Variants in IFT22 observed in about 807,000 individuals in gnomAD.
IFT22 encodes the protein intraflagellar transport 22, also known as intraflagellar transport protein 22 homolog.
In IFT22, 13 loss-of-function variants were observed where a neutral mutation model predicts 21.0. The observed-to-expected ratio is 0.62, with a 90% CI of 0.40 to 0.98. IFT22 has a LOEUF of 0.98. Ranked by LOEUF, IFT22 falls within the 50% of genes least tolerant of loss-of-function variation. The pLI is 0.00. For missense variants in IFT22, 227 were observed against 228.9 expected (o/e 0.99, Z 0.06); for synonymous variants, 67 against 82.4 (o/e 0.81, Z 1.01).
In IFT22 at chr7:101,316,378, T is replaced by G; in HGVS notation, c.371A>C (p.Lys124Thr). 6.2e-7 allele frequency: 1 copy of G among 1,614,210 alleles called. No homozygotes were observed. Among genetic ancestry groups the G allele is most frequent in the Non-Finnish European group, 8.5e-7 (1 of 1,180,032 alleles). ...DTQCMLIAHH[K>T]PGSGDDKGSL... is the part of the protein sequence containing the mutation. ...TCCTTTATCATCTCCAGAGCCTGGT[T>G]TGTGGTGTGCAATTAGCATACACTG... is the stretch of plus-strand genomic sequence containing the variant. Residue 124 changes from lysine to threonine, a missense_variant, in exon 4 of 5, where the codon AAA (lysine) becomes ACA (threonine). Coordinates refer to ENST00000315322, the MANE Select transcript of IFT22 (RefSeq NM_022777.4).
At chr7:101,316,705 C>T (rs34048830) in intron 3 of IFT22, among the ~76,000 whole-genome samples, 163 bp from the exon 4 acceptor site, 23,248 of 152,008 alleles carry the variant, frequency 0.15, 1,869 homozygotes, top group Non-Finnish European at 0.16. Context: ...CGGGCGATCA[C>T]GAGGTCAGGA....
chr7:101,316,897 G>A (rs11764766), intron 3 of IFT22, among the ~76,000 whole-genome samples: 32,077 of 151,784 alleles, frequency 0.21, 3,670 homozygotes, highest in East Asian at 0.39. Context: ...GCACTCCAGC[G>A]TGGGTGACAG....
At chr7:101,317,559 C>T (rs906810853) in intron 3 of IFT22, among the ~76,000 whole-genome samples, 3 of 151,902 alleles carry the variant, frequency 2.0e-5, no homozygotes, top group South Asian at 2.1e-4. Flanking sequence ...TCAGCCACTG[C>T]GCCTGGCCAA....
intron 4 of IFT22, 103 bp from the exon 5 acceptor site, chr7:101,315,385 C>T: frequency 7.9e-7 from 1 of 1,272,322 alleles, no homozygotes; most frequent in South Asian, 1.3e-5. Context: ...CTGAAGTTCA[C>T]AGATCAAGTT....
intron 3 of IFT22, among the ~76,000 whole-genome samples, chr7:101,316,872 T>G (rs370038261): frequency 6.6e-6 from 1 of 151,894 alleles, no homozygotes; most frequent in Non-Finnish European, 1.5e-5. Flanking sequence ...TGCAGTGAGC[T>G]GAGATCGTGC....
chr7:101,311,183 T>G lies in IFT22; in HGVS notation c.*3951A>C, dbSNP rs1217391155. On this transcript the variant is annotated 3_prime_UTR_variant, in exon 5 of 5. Coordinates refer to ENST00000315322, the MANE Select transcript of IFT22 (RefSeq NM_022777.4). ...TTATTTTTTGTATTTTTAGTAGAGG[T>G]GGGGTTTCACTGTTAGCCAGGATGG... 6.6e-6 allele frequency among the ~76,000 whole-genome samples: 1 copy of G among 151,624 alleles called. No homozygotes were observed. Among genetic ancestry groups the G allele is most frequent in the African/African-American group, 2.4e-5 (1 of 41,272 alleles).
At chr7:101,318,241 T>C (rs1375999503) in intron 2 of IFT22, 28 bp from the exon 3 acceptor site, 1 of 1,562,888 alleles carries the variant, frequency 6.4e-7, no homozygotes, top group African/African-American at 1.4e-5. Flanking sequence ...AGCAGTAGGC[T>C]GGGTGCAGTG....
intron 3 of IFT22, among the ~76,000 whole-genome samples, chr7:101,317,826 C>T (rs560643003): frequency 4.6e-5 from 7 of 152,214 alleles, no homozygotes; most frequent in South Asian, 2.1e-4. Flanking sequence ...AAGCAACCTC[C>T]GCTTGAACCT....
intron 1 of IFT22, 131 bp downstream of exon 1, chr7:101,321,540 C>A (rs1790348605): frequency 4.5e-6 from 4 of 883,882 alleles, no homozygotes; most frequent in South Asian, 1.7e-5. Context: ...GGGCGCCAGT[C>A]GGGATGGGCG....
chr7:101,314,331 A>G lies in IFT22; in HGVS notation c.*803T>C, dbSNP rs1369858412. The G allele has an allele frequency of 6.6e-6, 1 of 150,948 alleles. No individual in the cohort carries two copies. Among genetic ancestry groups the G allele is most frequent in the Admixed American group, 6.6e-5 (1 of 15,122 alleles). The allele number at this position is 150,948 out of a possible 1,614,324, so 9.4% of individuals were successfully genotyped here. ...GGCACCACACCCAGCTGATTTTTCT[A>G]TTTTTAGTAGAGATGGGGTTTCACC... On this transcript the variant is annotated 3_prime_UTR_variant, in exon 5 of 5. Transcript: ENST00000315322.
chr7:101,321,753 G>T lies in IFT22; in HGVS notation c.-44C>A. On this transcript the variant is annotated 5_prime_UTR_variant, in exon 1 of 5. Transcript: ENST00000315322. ...AGCCGGCCGGAGCCCACGGGAGGCG[G>T]CGCGTCAGGACGGAGCTCTACTTGG... 1.3e-6 allele frequency: 2 copies of T among 1,561,252 alleles called. No individual in the cohort carries two copies. The highest frequency in any genetic ancestry group is 1.7e-6 in the Non-Finnish European group (2 of 1,151,908).
chr7:101,314,817 G>T lies in IFT22; in HGVS notation c.*317C>A. On this transcript the variant is annotated 3_prime_UTR_variant, in exon 5 of 5. Transcript: ENST00000315322. ...TGATTAAACTACTGTTGTATCATTG[G>T]GCTGCGACGGTTACAAGTCCACAAA... is the stretch of plus-strand genomic sequence containing the variant. 3.5e-6 allele frequency: 1 copy of T among 282,466 alleles called. No individual in the cohort carries two copies. Among genetic ancestry groups the T allele is most frequent in the Non-Finnish European group, 6.7e-6 (1 of 149,204 alleles). 17.5% of individuals were successfully genotyped at this position (282,466 alleles called of 1,614,324 possible).
At chr7:101,319,175 C>T (rs1042097434) in intron 1 of IFT22, 143 bp from the exon 2 acceptor site, 2 of 697,128 alleles carry the variant, frequency 2.9e-6, no homozygotes, top group African/African-American at 3.5e-5. Context: ...GTTACGACCT[C>T]ACTGTCTTGC....
chr7:101,319,038 AAAATGAGTGC>A lies in IFT22; in HGVS notation c.40-16_40-7del, dbSNP rs779958692. 1 of 1,613,634 alleles carries A rather than the reference AAAATGAGTGC, an allele frequency of 6.2e-7. No individual in the cohort carries two copies. Among genetic ancestry groups the A allele is most frequent in the South Asian group, 1.1e-5 (1 of 91,072 alleles). On this transcript the variant is annotated splice_region_variant and splice_polypyrimidine_tract_variant and intron_variant, in intron 1 of 4. Coordinates refer to ENST00000315322, the MANE Select transcript of IFT22 (RefSeq NM_022777.4). ...GCCAAAACAGTTTTTCCACTCTGTGAAAATGAGTGCAAATAAAGGTCTTTGCTGAAAGGCA... is the reference window on the plus strand; with the variant it reads ...GCCAAAACAGTTTTTCCACTCTGTGAAAATAAAGGTCTTTGCTGAAAGGCA...
Position 101,311,012 on chromosome 7 carries a change from G to A in IFT22, c.*4122C>T, listed in dbSNP as rs1329905623. On this transcript the variant is annotated 3_prime_UTR_variant, in exon 5 of 5. Transcript: ENST00000315322. Reference sequence around the variant, plus strand: ...TAATTTTTTTTTTTTTTTTTTTTTTGAGATGGAGTCTCGCTCTGTCGCCCA... The same window carrying A: ...TAATTTTTTTTTTTTTTTTTTTTTTAAGATGGAGTCTCGCTCTGTCGCCCA... 1 of 188,398 alleles carries A rather than the reference G, an allele frequency of 5.3e-6. No homozygotes were observed. Among genetic ancestry groups the A allele is most frequent in the African/African-American group, 8.0e-5 (1 of 12,520 alleles). The allele number at this position is 188,398 out of a possible 1,614,324, so 11.7% of individuals were successfully genotyped here. A position where few individuals can be genotyped will look rare whatever the true frequency, so the allele number is the denominator to read the frequency against.
intron 3 of IFT22, among the ~76,000 whole-genome samples, chr7:101,316,803 A>G (rs1466415178): frequency 6.6e-6 from 1 of 152,126 alleles, no homozygotes; most frequent in African/African-American, 2.4e-5. Context: ...GGGCACCTAT[A>G]GTCCCAGCTA....
At chr7:101,318,402 C>T (rs1790228211) in intron 2 of IFT22, 189 bp from the exon 3 acceptor site, 1 of 444,746 alleles carries the variant, frequency 2.2e-6, no homozygotes, top group African/African-American at 2.0e-5. Context: ...CACCTGTGAT[C>T]TCAGCTACTG....
chr7:101,318,795 C>T (rs999566621), intron 2 of IFT22, 161 bp downstream of exon 2: 8 of 586,860 alleles, frequency 1.4e-5, no homozygotes, highest in African/African-American at 3.7e-5. Context: ...TGCCAACACA[C>T]CTGGCTAATG....
rs1026983119 is a variant in IFT22 at position 101,313,672 on chromosome 7, T to A, written c.*1462A>T. On this transcript the variant is annotated 3_prime_UTR_variant, in exon 5 of 5. Coordinates refer to ENST00000315322, the MANE Select transcript of IFT22 (RefSeq NM_022777.4). The stretch of plus-strand genomic sequence containing the variant: ...TTGTCTCTGTGTGTCTGCGAATAAC[T>A]GAGAAAGTGCCACAGTATTGATTTG... The A allele has an allele frequency of 6.6e-6, 1 of 152,180 alleles. No homozygotes were observed. The highest frequency in any genetic ancestry group is 2.4e-5 in the African/African-American group (1 of 41,432). 9.4% of individuals were successfully genotyped at this position (152,180 alleles called of 1,614,324 possible). A position where few individuals can be genotyped will look rare whatever the true frequency, so the allele number is the denominator to read the frequency against.
Sources: allele counts gnomAD v4.1 joint callset (sites outside exome capture counted in the v4.1 genomes callset), GRCh38; gene constraint gnomAD v4.1.1; transcripts MANE v1.5; gene names NCBI Gene and HGNC (gene_info 2026-07-23, HGNC 2026-07-21).